ARID5B: variants seen among roughly 807,000 people sequenced by gnomAD.
ARID5B encodes the protein AT-rich interaction domain 5B, also known as AT-rich interactive domain-containing protein 5B.
A neutral mutation model predicts 97.2 loss-of-function variants in ARID5B; 13 were observed. The ratio of observed to expected loss-of-function variants is 0.13; its 90% CI spans 0.09 to 0.21. The LOEUF (loss-of-function observed/expected upper bound fraction) is 0.21. Ranked by LOEUF, ARID5B falls within the 10% of genes least tolerant of loss-of-function variation. ARID5B has a pLI of 1.00. For synonymous variants in ARID5B, 556 were observed against 570.3 expected (o/e 0.97, Z 0.36); for missense variants, 1,210 against 1,465.3 (o/e 0.83, Z 2.84).
chr10:61,936,456 A>T (rs1300089667), intron 2 of ARID5B, among the ~76,000 whole-genome samples: 1 of 152,140 alleles, frequency 6.6e-6, no homozygotes, highest in South Asian at 2.1e-4. Context: ...TGTCTCTACT[A>T]AAAGTACAAA....
rs780845421 is a variant in ARID5B at position 61,940,171 on chromosome 10, C to T, written c.277-12C>T. 10 of 1,613,218 alleles carry T rather than the reference C, an allele frequency of 6.2e-6. No homozygotes were observed. The African/African-American group carries it at 1.1e-4, about 17-fold the overall frequency. ...ATAACGTTTTTTGTTCTTCCCCAAC[C>T]ACCTCTTGTAGGATGAAGTCATTGC... On this transcript the variant is annotated splice_polypyrimidine_tract_variant and intron_variant, in intron 2 of 9. Transcript: ENST00000279873.
At chr10:62,036,243 T>G (rs774074767) in intron 4 of ARID5B, among the ~76,000 whole-genome samples, 1 of 152,200 alleles carries the variant, frequency 6.6e-6, no homozygotes, top group Non-Finnish European at 1.5e-5. Flanking sequence ...TGTAATGTGC[T>G]TGGGACCTCT....
rs145154736 is a variant in ARID5B at position 62,095,437 on chromosome 10, G to A, written c.*2407G>A. 1.3e-5 allele frequency: 3 copies of A among 233,292 alleles called. No homozygotes were observed. The highest frequency in any genetic ancestry group is 4.4e-5 in the African/African-American group (2 of 45,382). 14.5% of individuals were successfully genotyped at this position (233,292 alleles called of 1,614,324 possible). A position where few individuals can be genotyped will look rare whatever the true frequency, so the allele number is the denominator to read the frequency against. On this transcript the variant is annotated 3_prime_UTR_variant, in exon 10 of 10. Transcript: ENST00000279873. ...CACCTATTTGGAATATGGGGCATTT[G>A]TTTTTTCCACTGCAATGATTTCAGT...
At chr10:62,028,925 C>G (rs1447832668) in intron 4 of ARID5B, among the ~76,000 whole-genome samples, 1 of 150,538 alleles carries the variant, frequency 6.6e-6, no homozygotes, top group African/African-American at 2.5e-5. Flanking sequence ...CCACTGCGCT[C>G]CAGCCTGGGC....
rs574165686 is a variant in ARID5B at position 62,092,670 on chromosome 10, C to T, written c.3207C>T (p.His1069=). 6.2e-7 allele frequency: 1 copy of T among 1,614,024 alleles called. No individual in the cohort carries two copies. The highest frequency in any genetic ancestry group is 8.5e-7 in the Non-Finnish European group (1 of 1,179,960). Residue 1069 remains histidine (H), a synonymous_variant, in exon 10 of 10, where the codon CAC becomes CAT. Transcript: ENST00000279873. The part of the protein sequence containing the change: ...GGHSGGGSEG[H]KLPLSSPIFP... ...ATTCCGGGGGCGGATCAGAAGGCCA[C>T]AAGCTTCCCCTCTCCTCCCCTATCT...
Position 62,091,395 on chromosome 10 carries a change from G to A in ARID5B, c.1932G>A (p.Gln644=). 1 of 1,613,842 alleles carries A rather than the reference G, an allele frequency of 6.2e-7. No individual in the cohort carries two copies. The highest frequency in any genetic ancestry group is 1.3e-5 in the African/African-American group (1 of 75,012). ...ACGACATCCACAATGCGCTCAAGCA[G>A]ACCCCAAAGGTCCTTGTGGTCCAGT... ...GSDDIHNALK[Q]TPKVLVVQSF... is the part of the protein sequence containing the mutation. Residue 644 remains glutamine, a synonymous_variant, in exon 10 of 10, where the codon CAG becomes CAA. Coordinates refer to ENST00000279873, the MANE Select transcript of ARID5B (RefSeq NM_032199.3).
chr10:62,085,549 A>C (rs1308376957), intron 8 of ARID5B, among the ~76,000 whole-genome samples, 153 bp from the exon 9 acceptor site: 4 of 152,248 alleles, frequency 2.6e-5, no homozygotes, highest in Non-Finnish European at 2.9e-5. Flanking sequence ...AGAACACTAA[A>C]GTGTAGAGTA....
intron 3 of ARID5B, among the ~76,000 whole-genome samples, chr10:61,964,105 G>A (rs756945208): frequency 2.0e-5 from 3 of 152,104 alleles, no homozygotes; most frequent in African/African-American, 4.8e-5. Context: ...CAACACATTA[G>A]CAACTGTAGG....
At position 62,091,546 on chromosome 10, in the gene ARID5B, C is replaced by G. The variant is rs138864995; in HGVS notation, c.2083C>G (p.Leu695Val). ...GIMSPLAKKKLLSQVSGASLS... is the reference protein window; with the variant it reads ...GIMSPLAKKKVLSQVSGASLS... ...CATGTCCCCACTGGCCAAGAAAAAG[C>G]TTTTGTCCCAAGTGAGTGGGGCCAG... Residue 695 changes from leucine (L) to valine (V), a missense_variant, in exon 10 of 10, where the codon CTT becomes GTT. By Grantham distance (32) the Leu-to-Val change is conservative. This residue lies in a region of ARID5B where 800 missense variants were observed against 839.1 expected (regional missense o/e 0.95). Coordinates refer to ENST00000279873, the MANE Select transcript of ARID5B (RefSeq NM_032199.3). 1.2e-6 allele frequency: 2 copies of G among 1,613,364 alleles called. No individual in the cohort carries two copies. The highest frequency in any genetic ancestry group is 1.7e-6 in the Non-Finnish European group (2 of 1,179,770).
chr10:61,942,026 G>A (rs1248444642), intron 3 of ARID5B, among the ~76,000 whole-genome samples: 1 of 152,116 alleles, frequency 6.6e-6, no homozygotes, highest in Non-Finnish European at 1.5e-5. Flanking sequence ...TTTTGTGTGT[G>A]TGTGTTATGG....
At chr10:62,081,393 T>C (rs1840212162) in intron 8 of ARID5B, among the ~76,000 whole-genome samples, 1 of 152,252 alleles carries the variant, frequency 6.6e-6, no homozygotes, top group African/African-American at 2.4e-5. Context: ...AAGCACTGTT[T>C]GCTAAATATT....
intron 3 of ARID5B, among the ~76,000 whole-genome samples, chr10:61,998,335 C>T (rs544919180): frequency 1.3e-5 from 2 of 152,304 alleles, no homozygotes; most frequent in East Asian, 3.9e-4. Context: ...TAGTGCAATT[C>T]CCTGCAGCAT....
chr10:62,030,801 A>G (rs1839487135), intron 4 of ARID5B, among the ~76,000 whole-genome samples: 1 of 152,234 alleles, frequency 6.6e-6, no homozygotes, highest in African/African-American at 2.4e-5. Context: ...ACCACGAAGA[A>G]GTGTTTTTGG....
rs150048936 is a variant in ARID5B, at chr10:61,931,616, GT to G, written c.277-8565del. Among the ~76,000 whole-genome samples, 450 of 152,230 alleles carry G rather than the reference GT, an allele frequency of 3.0e-3. 6 individuals carry two copies. The highest frequency in any genetic ancestry group is 0.01 in the African/African-American group (434 of 41,546). On this transcript the variant is annotated intron_variant, in intron 2 of 9. Transcript: ENST00000279873. Reference sequence around the variant, plus strand: ...TTTCAAACCACATATCTGACAAAAAGTTAAAAGAACTCTCAAAACTCAAGTG... The same window carrying G: ...TTTCAAACCACATATCTGACAAAAAGTAAAAGAACTCTCAAAACTCAAGTG...
At chr10:61,922,325 G>A (rs776470785) in intron 2 of ARID5B, among the ~76,000 whole-genome samples, 2 of 151,552 alleles carry the variant, frequency 1.3e-5, no homozygotes, top group Non-Finnish European at 2.9e-5. Flanking sequence ...TGTTTGGGCC[G>A]GGCATGGTGG....
intron 4 of ARID5B, among the ~76,000 whole-genome samples, chr10:62,044,965 T>C (rs923732474): frequency 6.6e-6 from 1 of 152,224 alleles, no homozygotes; most frequent in African/African-American, 2.4e-5. Context: ...ATCAGTGTTT[T>C]GTGAATTTGT....
intron 3 of ARID5B, among the ~76,000 whole-genome samples, chr10:61,980,826 C>T (rs1838766928): frequency 6.6e-6 from 1 of 152,164 alleles, no homozygotes; most frequent in Non-Finnish European, 1.5e-5. Flanking sequence ...TGGAGAGGAA[C>T]ATGGCTTCCC....
At chr10:62,049,266 C>CACA in intron 4 of ARID5B, 1 of 1,419,008 alleles carries the variant, frequency 7.0e-7, no homozygotes, top group Non-Finnish European at 9.2e-7. Flanking sequence ...TCATCCCACA[C>CACA]ACTCGGTGCT....
rs998800753 is a variant in ARID5B, at chr10:62,096,750, A to G, written c.*3720A>G. 2.1e-5 allele frequency: 5 copies of G among 233,480 alleles called. No individual in the cohort carries two copies. The highest frequency in any genetic ancestry group is 1.1e-4 in the African/African-American group (5 of 45,338). The allele number at this position is 233,480 out of a possible 1,614,324, so 14.5% of individuals were successfully genotyped here. On this transcript the variant is annotated 3_prime_UTR_variant, in exon 10 of 10. Coordinates refer to ENST00000279873, the MANE Select transcript of ARID5B (RefSeq NM_032199.3). The stretch of plus-strand genomic sequence containing the variant: ...GGAGAGGTTATTGAGTAACCTTTGC[A>G]TTAGTTTAAACACTACCAGAAGAAT...
Sources: gnomAD v4.1 joint callset for allele counts (sites outside exome capture counted in the v4.1 genomes callset) on GRCh38, gnomAD v4.1.1 for gene constraint, gnomAD v4.1.1 regional missense constraint, MANE v1.5 for transcripts, NCBI Gene and HGNC (gene_info 2026-07-23, HGNC 2026-07-21) for gene names.